The following DSCAM variants were observed in gnomAD, a reference collection of about 807,000 sequenced individuals.
DSCAM encodes the protein DS cell adhesion molecule, also known as cell adhesion molecule DSCAM.
A neutral mutation model predicts 217.7 loss-of-function variants in DSCAM; 47 were observed. That is an observed-to-expected ratio of 0.22 (90% CI 0.17 to 0.28). The LOEUF is 0.28. Among genes scored for constraint, DSCAM ranks in the 10% least tolerant of loss-of-function variants. The probability of loss-of-function intolerance (pLI) is 1.00; values close to 1 mark genes in which losing one functional copy is unlikely to be tolerated. For missense variants in DSCAM, 2,080 were observed against 2,618.3 expected (o/e 0.79, Z 4.49); for synonymous variants, 1,056 against 1,015.3 (o/e 1.04, Z -0.76).
At chr21:40,015,464 C>G (rs545862486) in intron 32 of DSCAM, among the ~76,000 whole-genome samples, 268 of 148,648 alleles carry the variant, frequency 1.8e-3, no homozygotes, top group African/African-American at 6.5e-3. Context: ...GAGTCTTGCT[C>G]TGTTGCCCAG....
intron 5 of DSCAM, among the ~76,000 whole-genome samples, chr21:40,350,877 C>G (rs1326074425): frequency 4.7e-5 from 3 of 63,872 alleles, no homozygotes; most frequent in African/African-American, 6.5e-5. Flanking sequence ...ATAAGTCATA[C>G]TTTTTTTTTT....
In DSCAM at chr21:40,412,004, T is replaced by C. The variant is rs140812135; in HGVS notation, c.509-42759A>G. On this transcript the variant is annotated intron_variant, in intron 3 of 32. Coordinates refer to ENST00000400454, the MANE Select transcript of DSCAM (RefSeq NM_001389.5). ...TCCTGTTCTTGTGGTAGTGAATAAGTCTCACAAGATCTGATGGTTTGATAA... is the reference window on the plus strand; with the variant it reads ...TCCTGTTCTTGTGGTAGTGAATAAGCCTCACAAGATCTGATGGTTTGATAA... Among the ~76,000 whole-genome samples the C allele has an allele frequency of 2.2e-3, 338 of 152,278 alleles. 2 individuals carry two copies. Among genetic ancestry groups the C allele is most frequent in the Non-Finnish European group, 3.5e-3 (239 of 68,030 alleles).
intron 3 of DSCAM, among the ~76,000 whole-genome samples, chr21:40,690,367 C>T (rs1444371933): frequency 6.6e-6 from 1 of 152,172 alleles, no homozygotes; most frequent in East Asian, 1.9e-4. Context: ...CAAGTCTATT[C>T]GACTCAGGTT....
chr21:40,703,971 A>C (rs2090684531), intron 2 of DSCAM, among the ~76,000 whole-genome samples: 1 of 152,058 alleles, frequency 6.6e-6, no homozygotes, highest in South Asian at 2.1e-4. Flanking sequence ...CACATCCTTT[A>C]ATTTCTTTCA....
chr21:40,717,985 G>T (rs1268734403), intron 1 of DSCAM, among the ~76,000 whole-genome samples: 1 of 152,168 alleles, frequency 6.6e-6, no homozygotes, highest in East Asian at 1.9e-4. Context: ...GGCATTGGTG[G>T]TGAGAAGGGA....
At chr21:40,771,483 T>G (rs976939674) in intron 1 of DSCAM, among the ~76,000 whole-genome samples, 1 of 152,344 alleles carries the variant, frequency 6.6e-6, no homozygotes, top group Non-Finnish European at 1.5e-5. Context: ...TCCTTCAGAC[T>G]GTGAGCAATT....
At chr21:40,226,730 A>G (rs1200361876) in intron 11 of DSCAM, among the ~76,000 whole-genome samples, 1 of 152,188 alleles carries the variant, frequency 6.6e-6, no homozygotes, top group Non-Finnish European at 1.5e-5. Context: ...TTTATACTTC[A>G]GCAATTATTT....
intron 20 of DSCAM, among the ~76,000 whole-genome samples, chr21:40,103,512 G>C (rs2089780313): frequency 2.0e-5 from 3 of 151,918 alleles, no homozygotes; most frequent in Non-Finnish European, 4.4e-5. Flanking sequence ...AATATATTTT[G>C]ATCTAATTTC....
At chr21:40,031,637 C>G (rs956939707) in intron 32 of DSCAM, among the ~76,000 whole-genome samples, 9 of 152,024 alleles carry the variant, frequency 5.9e-5, no homozygotes, top group Admixed American at 2.0e-4. Flanking sequence ...CCTACACACA[C>G]AAACACGCAC....
intron 10 of DSCAM, among the ~76,000 whole-genome samples, chr21:40,284,751 T>G (rs1351106879): frequency 6.6e-6 from 1 of 152,182 alleles, no homozygotes; most frequent in Non-Finnish European, 1.5e-5. Context: ...TCAAAGGATT[T>G]TGCATGCCCC....
intron 15 of DSCAM, 49 bp from the exon 16 acceptor site, chr21:40,167,337 A>G (rs778161112): frequency 6.4e-7 from 1 of 1,570,084 alleles, no homozygotes; most frequent in Non-Finnish European, 8.8e-7. Flanking sequence ...TTTCCGGAGC[A>G]GATCGAAGCC....
At chr21:40,589,323 A>T (rs2076967936) in intron 3 of DSCAM, among the ~76,000 whole-genome samples, 1 of 152,244 alleles carries the variant, frequency 6.6e-6, no homozygotes, top group Admixed American at 6.5e-5. Context: ...CATGCCTGTA[A>T]TCCCGGCACT....
chr21:40,416,942 C>A (rs1183043789), intron 3 of DSCAM, among the ~76,000 whole-genome samples: 1 of 152,120 alleles, frequency 6.6e-6, no homozygotes, highest in Non-Finnish European at 1.5e-5. Flanking sequence ...TCTCATGTAA[C>A]TAGCTATCAT....
At chr21:40,521,992 A>G (rs995500239) in intron 3 of DSCAM, among the ~76,000 whole-genome samples, 1 of 152,220 alleles carries the variant, frequency 6.6e-6, no homozygotes, top group African/African-American at 2.4e-5. Flanking sequence ...TTGTGTGTCA[A>G]TTAAACTTTT....
intron 3 of DSCAM, among the ~76,000 whole-genome samples, chr21:40,474,727 G>C (rs902739961): frequency 6.6e-6 from 1 of 152,182 alleles, no homozygotes; most frequent in African/African-American, 2.4e-5. Context: ...GCATCCCCCA[G>C]ACATAATAAA....
At chr21:40,520,621 A>G (rs1676311986) in intron 3 of DSCAM, among the ~76,000 whole-genome samples, 1 of 152,064 alleles carries the variant, frequency 6.6e-6, no homozygotes, top group African/African-American at 2.4e-5. Flanking sequence ...AGCCTGGCCA[A>G]CATGGTGAAA....
intron 1 of DSCAM, among the ~76,000 whole-genome samples, chr21:40,828,550 A>C (rs889000138): frequency 2.6e-5 from 4 of 152,162 alleles, no homozygotes; most frequent in African/African-American, 9.6e-5. Context: ...GACCAGGCAC[A>C]GTGCCTGCTT....
At chr21:40,552,279 A>T (rs2076636416) in intron 3 of DSCAM, among the ~76,000 whole-genome samples, 1 of 151,438 alleles carries the variant, frequency 6.6e-6, no homozygotes, top group Non-Finnish European at 1.5e-5. Context: ...ACACCACTAT[A>T]CTCCAGCTTG....
chr21:40,597,500 C>CTTTTTTTTT (rs10530311), intron 3 of DSCAM, among the ~76,000 whole-genome samples: 21 of 75,860 alleles, frequency 2.8e-4, no homozygotes, highest in African/African-American at 7.6e-4. Context: ...CAGTAATAGG[C>CTTTTTTTTT]TTTTTTTTTT....
Sources: allele counts gnomAD v4.1 joint callset (sites outside exome capture counted in the v4.1 genomes callset), GRCh38; gene constraint gnomAD v4.1.1; transcripts MANE v1.5; gene names NCBI Gene and HGNC (gene_info 2026-07-23, HGNC 2026-07-21).